PARG: variants seen among roughly 807,000 people sequenced by gnomAD.
The protein encoded by PARG is mitochondrial poly(ADP-ribose) glycohydrolase.
Under a neutral mutation model 113.0 loss-of-function variants are expected in PARG, and 35 were observed. That is an observed-to-expected ratio of 0.31 (90% CI 0.24 to 0.41). The LOEUF is 0.41. Among genes scored for constraint, PARG ranks in the 10% least tolerant of loss-of-function variants. PARG has a pLI of 1.00. For missense variants in PARG, 797 were observed against 1,169.4 expected, an observed-to-expected ratio of 0.68 and a Z score of 4.64; for synonymous variants, 330 against 409.9, an observed-to-expected ratio of 0.81 and a Z score of 2.36.
chr10:49,932,351 A>T (rs1406460657), intron 3 of PARG, 68 bp from the exon 4 acceptor site: 2 of 899,230 alleles, frequency 2.2e-6, no homozygotes, highest in Non-Finnish European at 3.8e-6. Flanking sequence ...ATACACAAGC[A>T]CAAAACTTAC....
At chr10:49,821,206 T>C (rs1372985610) in intron 16 of PARG, among the ~76,000 whole-genome samples, 1 of 152,148 alleles carries the variant, frequency 6.6e-6, no homozygotes, top group African/African-American at 2.4e-5. Flanking sequence ...GAATCAAAGT[T>C]ACAAATCACT....
At chr10:49,889,832 C>A (rs1287540475) in intron 7 of PARG, among the ~76,000 whole-genome samples, 2 of 152,152 alleles carry the variant, frequency 1.3e-5, no homozygotes, top group East Asian at 3.8e-4. Context: ...TACTTCTTCA[C>A]AACTGTCAAC....
intron 8 of PARG, among the ~76,000 whole-genome samples, chr10:49,884,994 T>C (rs541303859): frequency 1.3e-5 from 2 of 150,670 alleles, no homozygotes; most frequent in Admixed American, 6.6e-5. Flanking sequence ...CTCTCTACCC[T>C]CTAACCTTTT....
intron 10 of PARG, among the ~76,000 whole-genome samples, chr10:49,868,942 A>G (rs1398682297): frequency 2.0e-5 from 3 of 152,100 alleles, no homozygotes; most frequent in Non-Finnish European, 4.4e-5. Context: ...TATTTGTTGG[A>G]CATTTACTAT....
chr10:49,906,281 C>A (rs1289940288), intron 7 of PARG, among the ~76,000 whole-genome samples: 1 of 151,860 alleles, frequency 6.6e-6, no homozygotes, highest in East Asian at 1.9e-4. Context: ...CATGTCCAGC[C>A]ATGTGGTTCT....
chr10:49,905,521 T>A (rs1263151608), intron 7 of PARG, among the ~76,000 whole-genome samples: 1 of 152,118 alleles, frequency 6.6e-6, no homozygotes, highest in African/African-American at 2.4e-5. Context: ...AGTCAAAAGC[T>A]GTTACATGGA....
At chr10:49,899,556 C>T (rs2813040) in intron 7 of PARG, among the ~76,000 whole-genome samples, 3 of 152,148 alleles carry the variant, frequency 2.0e-5, no homozygotes, top group Non-Finnish European at 2.9e-5. Flanking sequence ...AAACTCCAAC[C>T]GGTTTTCAGG....
intron 7 of PARG, among the ~76,000 whole-genome samples, chr10:49,886,250 G>A (rs1292097698): frequency 1.3e-5 from 2 of 152,140 alleles, no homozygotes; most frequent in Admixed American, 6.5e-5. Context: ...ACTTCCCTAT[G>A]TGACCAATGT....
chr10:49,894,071 G>T (rs1253301230), intron 7 of PARG, among the ~76,000 whole-genome samples: 1 of 151,620 alleles, frequency 6.6e-6, no homozygotes, highest in Non-Finnish European at 1.5e-5. Context: ...CTCAAGCAAT[G>T]CATCTACCTC....
chr10:49,856,846 C>T (rs2132518539), intron 13 of PARG, among the ~76,000 whole-genome samples: 1 of 151,682 alleles, frequency 6.6e-6, no homozygotes, highest in African/African-American at 2.4e-5. Context: ...CCTGTCTCTA[C>T]TAAAAATACA....
intron 15 of PARG, among the ~76,000 whole-genome samples, chr10:49,839,136 A>G (rs1387941527): frequency 1.3e-5 from 2 of 152,092 alleles, no homozygotes; most frequent in African/African-American, 4.8e-5. Context: ...CAGGAGTTGG[A>G]GACAAAACTG....
At chr10:49,898,244 T>A (rs1469283000) in intron 7 of PARG, among the ~76,000 whole-genome samples, 1 of 152,280 alleles carries the variant, frequency 6.6e-6, no homozygotes, top group African/African-American at 2.4e-5. Flanking sequence ...AATAGTGTTT[T>A]ATGAATTCTA....
intron 1 of PARG, among the ~76,000 whole-genome samples, chr10:49,936,010 C>G (rs1838722494): frequency 6.6e-6 from 1 of 152,082 alleles, no homozygotes; most frequent in Non-Finnish European, 1.5e-5. Context: ...AGGGAGGAAG[C>G]TACTAGTCCA....
chr10:49,930,124 C>T (rs1347744062), intron 4 of PARG, among the ~76,000 whole-genome samples: 1 of 152,204 alleles, frequency 6.6e-6, no homozygotes, highest in African/African-American at 2.4e-5. Context: ...CTGTGGTCTG[C>T]ACAAAAATGG....
At position 49,825,443 on chromosome 10, in the gene PARG, A is replaced by G. The variant is rs148318197; in HGVS notation, c.2648-5150T>C. The stretch of plus-strand genomic sequence containing the variant: ...TTGCATCCTGGCACTACCACTTGCT[A>G]TCTGTATGACTCTAGGCTAATTTAC... On this transcript the variant is annotated intron_variant, in intron 16 of 17. Transcript: ENST00000616448. Among the ~76,000 whole-genome samples the G allele has an allele frequency of 2.9e-4, 44 of 152,278 alleles. No individual in the cohort carries two copies. In the East Asian group the frequency reaches 8.1e-3, roughly 28 times the overall value.
At chr10:49,846,663 A>G (rs1224604206) in intron 13 of PARG, among the ~76,000 whole-genome samples, 1 of 152,182 alleles carries the variant, frequency 6.6e-6, no homozygotes, top group Admixed American at 6.5e-5. Flanking sequence ...GAGAGTTCCA[A>G]TTATGGAAAG....
At chr10:49,854,975 G>A (rs1452032963) in intron 13 of PARG, among the ~76,000 whole-genome samples, 1 of 139,598 alleles carries the variant, frequency 7.2e-6, no homozygotes, top group East Asian at 2.0e-4. Flanking sequence ...AGAAAGTATG[G>A]CCCATACTCA....
intron 13 of PARG, among the ~76,000 whole-genome samples, chr10:49,845,228 A>G (rs1845449418): frequency 6.6e-6 from 1 of 152,232 alleles, no homozygotes; most frequent in African/African-American, 2.4e-5. Context: ...AAAATTAAAC[A>G]TACACGTAAC....
At chr10:49,886,469 CTT>C (rs1373472069) in intron 7 of PARG, among the ~76,000 whole-genome samples, 5 of 152,260 alleles carry the variant, frequency 3.3e-5, no homozygotes, top group African/African-American at 1.2e-4. Context: ...GTTTACTTCT[CTT>C]TTAAAATTAA....
Sources: allele counts gnomAD v4.1 joint callset (sites outside exome capture counted in the v4.1 genomes callset), GRCh38; gene constraint gnomAD v4.1.1; transcripts MANE v1.5; gene names NCBI Gene and HGNC (gene_info 2026-07-23, HGNC 2026-07-21).